Variants in UBE2E2 observed in about 807,000 individuals in gnomAD.
UBE2E2 encodes the protein ubiquitin-conjugating enzyme E2 E2.
Under a neutral mutation model 24.7 loss-of-function variants are expected in UBE2E2, and 6 were observed. The ratio of observed to expected loss-of-function variants is 0.24; its 90% CI spans 0.13 to 0.48. The LOEUF (loss-of-function observed/expected upper bound fraction) is 0.48. Ranked by LOEUF, UBE2E2 falls within the 20% of genes least tolerant of loss-of-function variation. The pLI is 0.99. For synonymous variants in UBE2E2, 104 were observed against 83.6 expected (o/e 1.24, Z -1.33); for missense variants, 169 against 245.0 (o/e 0.69, Z 2.07).
chr3:23,357,901 C>T (rs1696006371), intron 3 of UBE2E2, among the ~76,000 whole-genome samples: 1 of 152,196 alleles, frequency 6.6e-6, no homozygotes, highest in African/African-American at 2.4e-5. Context: ...TGCACTGGCA[C>T]AATCACAGCT....
intron 3 of UBE2E2, among the ~76,000 whole-genome samples, chr3:23,385,161 T>A (rs184141027): frequency 6.6e-6 from 1 of 152,342 alleles, no homozygotes; most frequent in East Asian, 1.9e-4. Context: ...CTTTTTATGA[T>A]GTTTGTATTA....
At position 23,343,515 on chromosome 3, in the gene UBE2E2, G is replaced by T. The variant is rs189617693; in HGVS notation, c.227+126203G>T. ...CGCTTGAACCTGGGGAACAGAGGTTGCAGTGAGCCGAGATGGCGCCACTAC... is the reference window on the plus strand; with the variant it reads ...CGCTTGAACCTGGGGAACAGAGGTTTCAGTGAGCCGAGATGGCGCCACTAC... On this transcript the variant is annotated intron_variant, in intron 3 of 5. Transcript: ENST00000396703. Among the ~76,000 whole-genome samples the T allele has an allele frequency of 9.8e-4, 144 of 146,988 alleles. 2 individuals carry two copies. The highest frequency in any genetic ancestry group is 3.5e-3 in the African/African-American group (137 of 39,608).
chr3:23,220,437 A>G (rs1291548851), intron 3 of UBE2E2, among the ~76,000 whole-genome samples: 1 of 152,228 alleles, frequency 6.6e-6, no homozygotes, highest in Non-Finnish European at 1.5e-5. Flanking sequence ...TAGCTAAGAA[A>G]AAATTTCTGC....
intron 3 of UBE2E2, among the ~76,000 whole-genome samples, chr3:23,468,522 C>T (rs138137782): frequency 7.1e-4 from 108 of 152,212 alleles, no homozygotes; most frequent in African/African-American, 2.4e-3. Flanking sequence ...TATACTATAT[C>T]GAGTACAATA....
intron 5 of UBE2E2, among the ~76,000 whole-genome samples, chr3:23,563,353 G>T (rs1695983087): frequency 1.3e-5 from 2 of 152,176 alleles, no homozygotes; most frequent in African/African-American, 2.4e-5. Context: ...GGAGCGGGTT[G>T]TTCAGTTTCC....
At chr3:23,559,597 G>C (rs1194194388) in intron 5 of UBE2E2, among the ~76,000 whole-genome samples, 1 of 152,194 alleles carries the variant, frequency 6.6e-6, no homozygotes, top group Non-Finnish European at 1.5e-5. Flanking sequence ...GCCGTGAGCA[G>C]CTTATCCTCC....
At chr3:23,556,100 G>T (rs1321661627) in intron 5 of UBE2E2, among the ~76,000 whole-genome samples, 1 of 139,860 alleles carries the variant, frequency 7.2e-6, no homozygotes, top group Admixed American at 7.1e-5. Context: ...TCTATATATT[G>T]TATCTTTTAA....
At position 23,578,941 on chromosome 3, in the gene UBE2E2, A is replaced by AT. The variant is rs558714037; in HGVS notation, c.509-10788dup. On this transcript the variant is annotated intron_variant, in intron 5 of 5. Transcript: ENST00000396703. ...CCCTGAACTTAAAAGTTAAAAAAAA[A>AT]TTTTTAAATACTACTACTGGTTGAT... 1.8e-4 allele frequency among the ~76,000 whole-genome samples: 28 copies of AT among 152,236 alleles called. No individual in the cohort carries two copies. In the South Asian group the frequency reaches 2.1e-3, roughly 11 times the overall value.
intron 3 of UBE2E2, among the ~76,000 whole-genome samples, chr3:23,287,802 T>C (rs1239827987): frequency 6.6e-6 from 1 of 151,720 alleles, no homozygotes; most frequent in African/African-American, 2.4e-5. Flanking sequence ...TCTCTGATTT[T>C]ATTCATTTGG....
At chr3:23,526,094 A>C (rs187506067) in intron 4 of UBE2E2, among the ~76,000 whole-genome samples, 1 of 152,206 alleles carries the variant, frequency 6.6e-6, no homozygotes, top group Admixed American at 6.5e-5. Context: ...CCTTGATTGT[A>C]GAACATGTTT....
chr3:23,499,806 CT>C (rs1276883927), intron 4 of UBE2E2, 66 bp downstream of exon 4: 43 of 1,538,842 alleles, frequency 2.8e-5, no homozygotes, highest in Non-Finnish European at 3.7e-5. Context: ...TATACTTATT[CT>C]TAAATATGCA....
rs140990578 is a variant in UBE2E2, at chr3:23,208,918, A to G, written c.176+43A>G. 81 of 1,531,118 alleles carry G rather than the reference A, an allele frequency of 5.3e-5. 2 individuals carry two copies. The Admixed American group carries it at 1.4e-3, about 27-fold the overall frequency. The allele number at this position is 1,531,118 out of a possible 1,614,324, so 94.8% of individuals were successfully genotyped here. ...ACCTTTTTATTGTTGGTATCAATTT[A>G]TCATCTTAAGTTCTATTTTTCTCTT... On this transcript the variant is annotated intron_variant, in intron 2 of 5. Coordinates refer to ENST00000396703, the MANE Select transcript of UBE2E2 (RefSeq NM_152653.4).
intron 3 of UBE2E2, among the ~76,000 whole-genome samples, chr3:23,417,271 C>G (rs1200101908): frequency 1.3e-5 from 2 of 152,140 alleles, no homozygotes; most frequent in East Asian, 3.9e-4. Flanking sequence ...TGATGCTATT[C>G]CTTTCTGTTT....
chr3:23,493,536 T>C (rs1005537023), intron 3 of UBE2E2, among the ~76,000 whole-genome samples: 1 of 152,238 alleles, frequency 6.6e-6, no homozygotes, highest in African/African-American at 2.4e-5. Context: ...TTTTTTCTTA[T>C]TTAAAAAATA....
At chr3:23,238,742 A>T (rs1197693641) in intron 3 of UBE2E2, among the ~76,000 whole-genome samples, 1 of 152,190 alleles carries the variant, frequency 6.6e-6, no homozygotes, top group African/African-American at 2.4e-5. Flanking sequence ...CACACCTTAT[A>T]CACATAGCCT....
intron 4 of UBE2E2, among the ~76,000 whole-genome samples, chr3:23,517,646 T>C (rs1694771723): frequency 6.6e-6 from 1 of 152,216 alleles, no homozygotes; most frequent in African/African-American, 2.4e-5. Flanking sequence ...TTTGTTCCCT[T>C]TGTAAATAAA....
intron 3 of UBE2E2, among the ~76,000 whole-genome samples, chr3:23,346,367 T>A (rs570330395): frequency 7.3e-5 from 11 of 151,118 alleles, no homozygotes; most frequent in African/African-American, 2.7e-4. Flanking sequence ...GATTTTGCTT[T>A]CAGATACTAT....
rs114598661 is a variant in UBE2E2, at chr3:23,255,187, G to C, written c.227+37875G>C. Among the ~76,000 whole-genome samples, 10 of 145,012 alleles carry C rather than the reference G, an allele frequency of 6.9e-5. No individual in the cohort carries two copies. The South Asian group carries it at 2.0e-3, about 29-fold the overall frequency. On this transcript the variant is annotated intron_variant, in intron 3 of 5. Transcript: ENST00000396703. ...CTATAATCTCCTCCCATGCTCAAGC[G>C]ACCCTCCCACATCAGCCTCCTAGGT... is the stretch of plus-strand genomic sequence containing the variant.
chr3:23,380,322 C>T (rs1239550888), intron 3 of UBE2E2, among the ~76,000 whole-genome samples: 1 of 152,142 alleles, frequency 6.6e-6, no homozygotes, highest in African/African-American at 2.4e-5. Context: ...AGGGCTCAAG[C>T]GATTTTTCTG....
Sources: gnomAD v4.1 joint callset for allele counts (sites outside exome capture counted in the v4.1 genomes callset) on GRCh38, gnomAD v4.1.1 for gene constraint, MANE v1.5 for transcripts, NCBI Gene and HGNC (gene_info 2026-07-23, HGNC 2026-07-21) for gene names.